The following DPP6 variants were observed in gnomAD, a reference collection of about 807,000 sequenced individuals.
DPP6 encodes A-type potassium channel modulatory protein DPP6.
Under a neutral mutation model 122.6 loss-of-function variants are expected in DPP6, and 69 were observed. The observed-to-expected ratio is 0.56, with a 90% CI of 0.46 to 0.69. The LOEUF (loss-of-function observed/expected upper bound fraction) is 0.69, where lower values mean the gene tolerates loss of function less well. Ranked by LOEUF, DPP6 falls within the 30% of genes least tolerant of loss-of-function variation. DPP6 has a pLI of 0.00. For synonymous variants in DPP6, 418 were observed against 433.1 expected (o/e 0.97, Z 0.43); for missense variants, 928 against 1,116.9 (o/e 0.83, Z 2.41).
intron 1 of DPP6, among the ~76,000 whole-genome samples, chr7:154,266,937 T>C (rs997620383): frequency 3.3e-5 from 5 of 152,218 alleles, no homozygotes; most frequent in Non-Finnish European, 5.9e-5. Flanking sequence ...CAGGTTTTGA[T>C]ATAGTATCAA....
upstream of DPP6, among the ~76,000 whole-genome samples, chr7:153,883,471 C>G (rs1193824283): frequency 2.0e-5 from 3 of 152,172 alleles, no homozygotes; most frequent in African/African-American, 7.2e-5. Flanking sequence ...CAACCTCCGC[C>G]TCCCGGGTTC....
the DPP6 span, among the ~76,000 whole-genome samples, chr7:153,852,386 G>A: frequency 1.3e-3 from 198 of 152,228 alleles, 3 homozygotes; most frequent in African/African-American, 4.2e-3. Flanking sequence ...GGAAGGCAAA[G>A]GGGGAGCAGG....
At chr7:154,222,970 A>T (rs1012671381) in intron 1 of DPP6, among the ~76,000 whole-genome samples, 1 of 149,060 alleles carries the variant, frequency 6.7e-6, no homozygotes, top group Non-Finnish European at 1.5e-5. Context: ...CCGTAAATGT[A>T]ATTATTGTTA....
chr7:154,297,867 C>A (rs144637088), intron 1 of DPP6, among the ~76,000 whole-genome samples: 4 of 152,112 alleles, frequency 2.6e-5, no homozygotes, highest in Admixed American at 2.0e-4. Flanking sequence ...AGAGCGTGCA[C>A]GCTGACAGAT....
intron 1 of DPP6, among the ~76,000 whole-genome samples, chr7:154,264,830 GTGA>G (rs1424686609): frequency 6.6e-6 from 1 of 151,486 alleles, no homozygotes; most frequent in African/African-American, 2.4e-5. Context: ...GATAGTGATA[GTGA>G]TGATGGTGTT....
intron 1 of DPP6, among the ~76,000 whole-genome samples, chr7:154,346,632 C>T (rs1046917271): frequency 6.6e-6 from 1 of 152,030 alleles, no homozygotes; most frequent in Non-Finnish European, 1.5e-5. Context: ...TAATTGGGAC[C>T]CCCCCTGTGT....
chr7:154,434,156 T>C (rs1203265040), intron 1 of DPP6, among the ~76,000 whole-genome samples: 3 of 152,238 alleles, frequency 2.0e-5, no homozygotes, highest in Non-Finnish European at 4.4e-5. Flanking sequence ...TTGTTTAAGA[T>C]AGAAACTTAG....
rs532170579 is a variant in DPP6, at chr7:154,405,788, C to T, written c.244-40426C>T. ...GGCTTCCCACAACTCTGTTCATCCT[C>T]CTCCATCGCAAAATGAATATGTAAA... On this transcript the variant is annotated intron_variant, in intron 1 of 25. Coordinates refer to ENST00000377770, the MANE Select transcript of DPP6 (RefSeq NM_130797.4). 1.4e-4 allele frequency among the ~76,000 whole-genome samples: 22 copies of T among 152,268 alleles called. No individual in the cohort carries two copies. The South Asian group carries it at 4.4e-3, about 30-fold the overall frequency.
rs1802244843 is a variant in DPP6 at position 154,063,047 on chromosome 7, A to C, written c.243+9984A>C. On this transcript the variant is annotated intron_variant, in intron 1 of 25. Coordinates refer to ENST00000377770, the MANE Select transcript of DPP6 (RefSeq NM_130797.4). ...GAACCCCATCACAGGAGGGGGAGGC[A>C]CCCCCCACGAGAGTGGGGACTGAGA... Among the ~76,000 whole-genome samples, 2 of 126,042 alleles carry C rather than the reference A, an allele frequency of 1.6e-5. 1 individual carries two copies. Among genetic ancestry groups the C allele is most frequent in the Admixed American group, 1.7e-4 (2 of 12,002 alleles). 82.7% of individuals were successfully genotyped at this position (126,042 alleles called of 152,430 possible).
At chr7:153,857,881 G>T in the DPP6 span, among the ~76,000 whole-genome samples, 1 of 152,176 alleles carries the variant, frequency 6.6e-6, no homozygotes, top group African/African-American at 2.4e-5. Flanking sequence ...GGGTTAGGTT[G>T]TCCTTTCCGT....
At chr7:154,303,125 G>C (rs1806020439) in intron 1 of DPP6, among the ~76,000 whole-genome samples, 1 of 152,184 alleles carries the variant, frequency 6.6e-6, no homozygotes, top group Non-Finnish European at 1.5e-5. Flanking sequence ...GGGATTACAG[G>C]CATGCGCCGC....
intron 1 of DPP6, among the ~76,000 whole-genome samples, chr7:154,321,517 T>G (rs2151018728): frequency 6.6e-6 from 1 of 151,940 alleles, no homozygotes; most frequent in South Asian, 2.1e-4. Flanking sequence ...GCGCGGTCGC[T>G]CACGTCTGTA....
chr7:154,343,389 G>A (rs115214636), intron 1 of DPP6, among the ~76,000 whole-genome samples: 2,612 of 152,302 alleles, frequency 0.017, 67 homozygotes, highest in African/African-American at 0.059. Flanking sequence ...GCGTCAGTCC[G>A]GGCACTGAAA....
At chr7:154,010,118 G>A (rs1164970264) in intron 1 of DPP6, among the ~76,000 whole-genome samples, 3 of 152,162 alleles carry the variant, frequency 2.0e-5, no homozygotes, top group African/African-American at 7.2e-5. Flanking sequence ...ACTTGCCTCT[G>A]AGGAGGCCCA....
chr7:154,123,487 C>T (rs1807644755), intron 1 of DPP6, among the ~76,000 whole-genome samples: 1 of 152,148 alleles, frequency 6.6e-6, no homozygotes, highest in Admixed American at 6.5e-5. Flanking sequence ...TGATCATTTA[C>T]TTCCTGATAG....
intron 1 of DPP6, among the ~76,000 whole-genome samples, chr7:154,251,788 C>T (rs1802362720): frequency 1.0e-5 from 1 of 96,596 alleles, no homozygotes; most frequent in Non-Finnish European, 2.0e-5. Flanking sequence ...CTCCCACCTT[C>T]TCCTGCCTGC....
In DPP6 at chr7:154,481,192, G is replaced by A. The variant is rs1411064815; in HGVS notation, c.457+6155G>A. On this transcript the variant is annotated intron_variant, in intron 3 of 25. Transcript: ENST00000377770. The surrounding 1 kb of genome is among the most constrained non-coding windows in gnomAD (Gnocchi z 4.2). ...TTAATGTTTCTAACTTTAAAAGTCT[G>A]AATTCCTCAAGTTTCTCACTTATCC... Among the ~76,000 whole-genome samples, 1 of 152,142 alleles carries A rather than the reference G, an allele frequency of 6.6e-6. No individual in the cohort carries two copies. The highest frequency in any genetic ancestry group is 1.9e-4 in the East Asian group (1 of 5,180).
chr7:154,203,399 A>G (rs1799272093), intron 1 of DPP6, among the ~76,000 whole-genome samples: 1 of 152,168 alleles, frequency 6.6e-6, no homozygotes, highest in Non-Finnish European at 1.5e-5. Flanking sequence ...AGTTGAAGCC[A>G]TCTGAAGGTG....
At chr7:154,339,937 G>A (rs1809777704) in intron 1 of DPP6, among the ~76,000 whole-genome samples, 2 of 152,022 alleles carry the variant, frequency 1.3e-5, no homozygotes, top group South Asian at 4.1e-4. Flanking sequence ...GCTGGGCATG[G>A]GTGCACACGC....
Sources: allele counts gnomAD v4.1 joint callset (sites outside exome capture counted in the v4.1 genomes callset), GRCh38; gene constraint gnomAD v4.1.1; non-coding constraint Gnocchi (gnomAD v3.1); transcripts MANE v1.5; gene names NCBI Gene and HGNC (gene_info 2026-07-23, HGNC 2026-07-21).